PPP3CB: variants seen among roughly 807,000 people sequenced by gnomAD.
The protein encoded by PPP3CB is protein phosphatase 3 catalytic subunit beta.
PPP3CB carries 8 observed loss-of-function variants against 66.4 expected under a neutral mutation model. That is an observed-to-expected ratio of 0.12 (90% CI 0.07 to 0.22). The LOEUF is 0.22. Ranked by LOEUF, PPP3CB falls within the 10% of genes least tolerant of loss-of-function variation. PPP3CB has a pLI of 1.00. For synonymous variants in PPP3CB, 208 were observed against 221.2 expected, an observed-to-expected ratio of 0.94 and a Z score of 0.53; for missense variants, 319 against 642.5, an observed-to-expected ratio of 0.50 and a Z score of 5.44.
At chr10:73,461,986 C>G (rs1269983317) in intron 9 of PPP3CB, among the ~76,000 whole-genome samples, 1 of 151,924 alleles carries the variant, frequency 6.6e-6, no homozygotes, top group Non-Finnish European at 1.5e-5. Flanking sequence ...GGCATCTTCC[C>G]CCTCGCTCTC....
At chr10:73,487,564 C>CAAAAAAAAA in intron 1 of PPP3CB, among the ~76,000 whole-genome samples, 1 of 65,208 alleles carries the variant, frequency 1.5e-5, no homozygotes, top group South Asian at 4.9e-4. Flanking sequence ...AAACCAAAAC[C>CAAAAAAAAA]AAAAAAAAAA....
chr10:73,482,406 G>T (rs983705332), intron 1 of PPP3CB, among the ~76,000 whole-genome samples: 6 of 151,600 alleles, frequency 4.0e-5, no homozygotes, highest in African/African-American at 1.5e-4. Context: ...AGCTGGGTGT[G>T]GTGGTGCACA....
At position 73,438,192 on chromosome 10, in the gene PPP3CB, G is replaced by A. The variant is rs2056095621; in HGVS notation, c.*50C>T. 1.9e-6 allele frequency: 3 copies of A among 1,558,924 alleles called. No homozygotes were observed. Among genetic ancestry groups the A allele is most frequent in the Non-Finnish European group, 2.6e-6 (3 of 1,139,156 alleles). Reference sequence around the variant, plus strand: ...GGCCGACCCCTCCAGCTCCTCGGGTGATCTGTCCATTTGGGGCCCGAGATG... The same window carrying A: ...GGCCGACCCCTCCAGCTCCTCGGGTAATCTGTCCATTTGGGGCCCGAGATG... On this transcript the variant is annotated 3_prime_UTR_variant, in exon 14 of 14. Transcript: ENST00000360663.
chr10:73,445,882 G>A (rs538871221), intron 11 of PPP3CB, among the ~76,000 whole-genome samples: 2 of 152,032 alleles, frequency 1.3e-5, no homozygotes, highest in African/African-American at 4.8e-5. Flanking sequence ...CCGAGTAGCT[G>A]GGACTACAGG....
At chr10:73,439,785 C>G in intron 13 of PPP3CB, 87 bp downstream of exon 13, 2 of 1,438,706 alleles carry the variant, frequency 1.4e-6, no homozygotes, top group East Asian at 4.6e-5. Context: ...GCTGTAAAAG[C>G]TAGGAGTAAA....
At chr10:73,484,432 A>G (rs61591525) in intron 1 of PPP3CB, among the ~76,000 whole-genome samples, 7,067 of 151,622 alleles carry the variant, frequency 0.047, 504 homozygotes, top group African/African-American at 0.15. Flanking sequence ...CACCACGCCC[A>G]GCTAATGTTT....
At position 73,478,601 on chromosome 10, in the gene PPP3CB, T is replaced by C. The variant is rs1843662715; in HGVS notation, c.309A>G (p.Gln103=). The C allele has an allele frequency of 3.1e-6, 5 of 1,612,772 alleles. No individual in the cohort carries two copies. The highest frequency in any genetic ancestry group is 2.7e-5 in the African/African-American group (2 of 74,850). Residue 103 remains glutamine, a synonymous_variant, in exon 3 of 14, where the codon CAA becomes CAG. Coordinates refer to ENST00000360663, the MANE Select transcript of PPP3CB (RefSeq NM_021132.4). ...CAAAAAGTTTCATCAGATCAAAAAA[T>C]TGGCCATGGATGTCACCACACACTG... ...PITVCGDIHG[Q]FFDLMKLFEV...
chr10:73,491,314 C>A (rs544001591), intron 1 of PPP3CB, among the ~76,000 whole-genome samples: 2 of 151,948 alleles, frequency 1.3e-5, no homozygotes, highest in East Asian at 2.0e-4. Flanking sequence ...CAGGCGTGAG[C>A]CACTGTGCCC....
chr10:73,443,286 CAGAAAGAAAGAAAGAA>C lies in PPP3CB; in HGVS notation c.1366+1423_1366+1438del, dbSNP rs71021552. On this transcript the variant is annotated intron_variant, in intron 12 of 13. Coordinates refer to ENST00000360663, the MANE Select transcript of PPP3CB (RefSeq NM_021132.4). ...AGAGAGAGAAAGAAAGAAAGAAAGA[CAGAAAGAAAGAAAGAA>C]AGAAAGAAAGAAAGAAAGAAAGAAA... Among the ~76,000 whole-genome samples the C allele has an allele frequency of 9.5e-3, 1,099 of 115,708 alleles. 12 individuals carry two copies. Among genetic ancestry groups the C allele is most frequent in the African/African-American group, 0.03 (896 of 29,696 alleles). The allele number at this position is 115,708 out of a possible 152,430, so 75.9% of individuals were successfully genotyped here.
rs766989459 is a variant in PPP3CB at position 73,495,839 on chromosome 10, C to T, written c.51G>A (p.Pro17=). ...CGCGGTCAGCCCCGGGAGGGGGCGG[C>T]GGGGGCGGGGGTGGGGGCGGTGCAG... ...ARAAPPPPPP[P]PPPPGADRVV... is the part of the protein sequence containing the mutation. The change falls in exon 1 of 14, where the codon CCG becomes CCA. Residue 17 remains proline (P), a synonymous_variant. Transcript: ENST00000360663. 3.8e-6 allele frequency: 2 copies of T among 521,720 alleles called. No homozygotes were observed. Among genetic ancestry groups the T allele is most frequent in the African/African-American group, 2.4e-5 (1 of 42,326 alleles). The allele number at this position is 521,720 out of a possible 1,614,324, so 32.3% of individuals were successfully genotyped here.
rs10569079 is a variant in PPP3CB at position 73,462,949 on chromosome 10, CAAAAAAAAAA to C, written c.1108+4594_1108+4603del. Among the ~76,000 whole-genome samples, 9 of 58,816 alleles carry C rather than the reference CAAAAAAAAAA, an allele frequency of 1.5e-4. No homozygotes were observed. In the East Asian group the frequency reaches 5.2e-3, roughly 34 times the overall value. 38.6% of individuals were successfully genotyped at this position (58,816 alleles called of 152,430 possible). ...TGGGTGACAGAGCAAGACTCTGTCT[CAAAAAAAAAA>C]AAAAAAAAAAAAAAAAAAAGGAAGA... On this transcript the variant is annotated intron_variant, in intron 9 of 13. Transcript: ENST00000360663.
chr10:73,441,545 C>T (rs2056149224), intron 12 of PPP3CB, among the ~76,000 whole-genome samples: 1 of 152,182 alleles, frequency 6.6e-6, no homozygotes, highest in African/African-American at 2.4e-5. Context: ...CTAATTGCAA[C>T]ACTCTATCTG....
intron 11 of PPP3CB, among the ~76,000 whole-genome samples, chr10:73,445,602 G>C (rs1416267151): frequency 6.8e-6 from 1 of 147,390 alleles, no homozygotes; most frequent in African/African-American, 2.5e-5. Context: ...CATGCCACCA[G>C]GCCCGGCTAA....
chr10:73,448,372 A>C (rs926407832), intron 10 of PPP3CB, among the ~76,000 whole-genome samples: 6 of 152,332 alleles, frequency 3.9e-5, no homozygotes, highest in South Asian at 4.1e-4. Flanking sequence ...ACAATCAAAC[A>C]ACCCTAATCA....
intron 9 of PPP3CB, among the ~76,000 whole-genome samples, chr10:73,457,025 C>T (rs1168322829): frequency 6.6e-6 from 1 of 151,768 alleles, no homozygotes; most frequent in East Asian, 1.9e-4. Flanking sequence ...AGATGAATTG[C>T]ATAGTATATA....
At chr10:73,439,590 T>C (rs998209841) in intron 13 of PPP3CB, among the ~76,000 whole-genome samples, 1 of 152,196 alleles carries the variant, frequency 6.6e-6, no homozygotes, top group African/African-American at 2.4e-5. Flanking sequence ...AGCTATACTG[T>C]ATAGCATAAC....
intron 10 of PPP3CB, among the ~76,000 whole-genome samples, chr10:73,447,268 A>G (rs2056272702): frequency 6.6e-6 from 1 of 152,240 alleles, no homozygotes; most frequent in African/African-American, 2.4e-5. Flanking sequence ...ACATGGCTAA[A>G]GGATCACTAC....
chr10:73,450,974 T>A (rs2056335503), intron 10 of PPP3CB, among the ~76,000 whole-genome samples: 2 of 152,146 alleles, frequency 1.3e-5, no homozygotes, highest in African/African-American at 4.8e-5. Context: ...TGATGATATA[T>A]AAAATCTTCT....
intron 13 of PPP3CB, 50 bp from the exon 14 acceptor site, chr10:73,438,470 G>T: frequency 6.8e-7 from 1 of 1,465,462 alleles, no homozygotes; most frequent in Admixed American, 1.9e-5. Flanking sequence ...ACATTTCTGA[G>T]ATTTCAAAAA....
Sources: gnomAD v4.1 joint callset for allele counts (sites outside exome capture counted in the v4.1 genomes callset) on GRCh38, gnomAD v4.1.1 for gene constraint, MANE v1.5 for transcripts, NCBI Gene and HGNC (gene_info 2026-07-23, HGNC 2026-07-21) for gene names.